Variants in ARHGEF3 observed in about 807,000 individuals in gnomAD.
ARHGEF3 encodes Rho guanine nucleotide exchange factor 3, also known as 59.8 kDA protein.
Under a neutral mutation model 63.2 loss-of-function variants are expected in ARHGEF3, and 28 were observed. The observed-to-expected ratio is 0.44, with a 90% CI of 0.33 to 0.61. The LOEUF is 0.61. Ranked by LOEUF, ARHGEF3 falls within the 20% of genes least tolerant of loss-of-function variation. ARHGEF3 has a pLI of 0.03. For missense variants in ARHGEF3, 533 were observed against 659.3 expected (o/e 0.81, Z 2.10); for synonymous variants, 266 against 254.2 (o/e 1.05, Z -0.44).
At chr3:56,958,319 ATTT>A (rs532097300) in intron 3 of ARHGEF3, among the ~76,000 whole-genome samples, 15,764 of 133,188 alleles carry the variant, frequency 0.12, 1,064 homozygotes, top group East Asian at 0.24. Flanking sequence ...GGCCACTTGA[ATTT>A]TTTTTTTTTT....
At chr3:56,891,269 C>T (rs1355954165) in intron 3 of ARHGEF3, among the ~76,000 whole-genome samples, 1 of 151,778 alleles carries the variant, frequency 6.6e-6, no homozygotes, top group Non-Finnish European at 1.5e-5. Context: ...CCTCTCGCCT[C>T]CACCTCCCAA....
intron 2 of ARHGEF3, among the ~76,000 whole-genome samples, chr3:57,002,518 T>C (rs1702286881): frequency 9.0e-6 from 1 of 111,166 alleles, no homozygotes; most frequent in Non-Finnish European, 1.9e-5. Flanking sequence ...ATATATGTTA[T>C]ATATGTATGT....
chr3:56,868,018 C>T (rs2040312704), intron 4 of ARHGEF3, among the ~76,000 whole-genome samples: 1 of 152,138 alleles, frequency 6.6e-6, no homozygotes, highest in Non-Finnish European at 1.5e-5. Context: ...ATAGCAAAGG[C>T]ATTTTGTTAA....
chr3:56,807,895 G>A (rs1442314992), intron 4 of ARHGEF3, among the ~76,000 whole-genome samples: 6 of 151,372 alleles, frequency 4.0e-5, no homozygotes, highest in African/African-American at 1.2e-4. Flanking sequence ...AGGCCAAGGC[G>A]GGTGGATCGC....
intron 9 of ARHGEF3, chr3:56,731,959 T>G: frequency 3.5e-6 from 2 of 578,820 alleles, no homozygotes; most frequent in East Asian, 5.6e-5. Context: ...AAAGGGAACT[T>G]AAGGAGCACT....
Position 56,729,586 on chromosome 3 carries a change from G to A in ARHGEF3, c.1265C>T (p.Ser422Phe). ...TTGTAGCGAGTGGGTCTGACTTTGG[G>A]ATCCATTTTTGAAACTGACTCTGAA... ...NFFRVSFKNG[S>F]QSQTHSLQAN... Residue 422 changes from serine (S) to phenylalanine (F), a missense_variant, in exon 10 of 10, where the codon TCC becomes TTC. By Grantham distance (155) the Ser-to-Phe change is radical. Coordinates refer to ENST00000296315, the MANE Select transcript of ARHGEF3 (RefSeq NM_019555.3). The A allele has an allele frequency of 6.2e-7, 1 of 1,605,838 alleles. No homozygotes were observed. The highest frequency in any genetic ancestry group is 8.5e-7 in the Non-Finnish European group (1 of 1,174,522).
At chr3:57,077,145 A>C (rs1385709669) in intron 1 of ARHGEF3, among the ~76,000 whole-genome samples, 1 of 152,190 alleles carries the variant, frequency 6.6e-6, no homozygotes, top group South Asian at 2.1e-4. Context: ...AATGTTCATG[A>C]ATTGCATCCC....
At chr3:56,957,704 G>A (rs971325032) in intron 3 of ARHGEF3, among the ~76,000 whole-genome samples, 2 of 152,190 alleles carry the variant, frequency 1.3e-5, no homozygotes, top group Admixed American at 6.5e-5. Flanking sequence ...AGGAGGTGAT[G>A]TCAAGGCTGA....
intron 9 of ARHGEF3, 44 bp downstream of exon 9, chr3:56,732,194 C>T (rs552495724): frequency 1.7e-5 from 28 of 1,607,728 alleles, no homozygotes; most frequent in East Asian, 4.5e-5. Context: ...CAAACTACCA[C>T]GGCCAAAAAC....
intron 1 of ARHGEF3, among the ~76,000 whole-genome samples, chr3:57,055,275 C>T (rs2107320136): frequency 6.6e-6 from 1 of 151,502 alleles, no homozygotes; most frequent in East Asian, 1.9e-4. Flanking sequence ...GATTCTCCTG[C>T]CTCAGCCTCC....
chr3:56,962,045 T>TA (rs200305816), intron 2 of ARHGEF3, among the ~76,000 whole-genome samples: 3,727 of 152,214 alleles, frequency 0.024, 74 homozygotes, highest in Non-Finnish European at 0.035. Flanking sequence ...ACCCTGTCTC[T>TA]AAAAATAATA....
intron 4 of ARHGEF3, among the ~76,000 whole-genome samples, chr3:56,849,166 A>G (rs907857449): frequency 1.3e-5 from 2 of 152,186 alleles, no homozygotes; most frequent in African/African-American, 4.8e-5. Flanking sequence ...AGGCTTCTTC[A>G]TTCTGTATGT....
chr3:56,876,382 T>A (rs2040586496), intron 4 of ARHGEF3, among the ~76,000 whole-genome samples: 2 of 152,160 alleles, frequency 1.3e-5, no homozygotes, highest in African/African-American at 2.4e-5. Flanking sequence ...AGACGCTGAA[T>A]ACTGCTCGGC....
At chr3:56,869,151 G>A (rs978774934) in intron 4 of ARHGEF3, among the ~76,000 whole-genome samples, 3 of 146,228 alleles carry the variant, frequency 2.1e-5, no homozygotes, top group Admixed American at 1.4e-4. Flanking sequence ...TTTGAGGTAC[G>A]TGAGGAGTTA....
intron 3 of ARHGEF3, among the ~76,000 whole-genome samples, chr3:56,941,875 A>G (rs1286192240): frequency 1.3e-5 from 2 of 152,222 alleles, no homozygotes; most frequent in African/African-American, 2.4e-5. Context: ...CTATAAATAT[A>G]TGCTTTACAT....
At position 56,751,042 on chromosome 3, in the gene ARHGEF3, G is replaced by A. The variant is rs1578410664; in HGVS notation, c.612+14C>T. On this transcript the variant is annotated intron_variant, in intron 6 of 9. Transcript: ENST00000296315. ...TGAAATTTATCTTCAATAAAGACCA[G>A]AGAACTTTCTTACCCAGCCCACGAG... The A allele has an allele frequency of 1.2e-6, 2 of 1,607,590 alleles. No individual in the cohort carries two copies.
chr3:56,916,288 G>T (rs757500093), intron 3 of ARHGEF3: 2 of 1,534,132 alleles, frequency 1.3e-6, no homozygotes, highest in African/African-American at 2.7e-5. Context: ...CCCATCCCAG[G>T]CTCAGCAGCA....
At chr3:56,892,391 T>TA (rs1263618305) in intron 3 of ARHGEF3, among the ~76,000 whole-genome samples, 1 of 152,184 alleles carries the variant, frequency 6.6e-6, no homozygotes, top group African/African-American at 2.4e-5. Flanking sequence ...TAAATTACTG[T>TA]AATTATTATT....
chr3:56,790,652 A>C (rs2037032813), intron 1 of ARHGEF3, among the ~76,000 whole-genome samples: 1 of 152,162 alleles, frequency 6.6e-6, no homozygotes, highest in Non-Finnish European at 1.5e-5. Flanking sequence ...TCGTTCTTGA[A>C]ATGCCTGCGT....
Sources: allele counts gnomAD v4.1 joint callset (sites outside exome capture counted in the v4.1 genomes callset), GRCh38; gene constraint gnomAD v4.1.1; transcripts MANE v1.5; gene names NCBI Gene and HGNC (gene_info 2026-07-23, HGNC 2026-07-21).